Variants in UNC13B observed in about 807,000 individuals in gnomAD.
UNC13B encodes unc-13 homolog B, also known as protein unc-13 homolog B.
In UNC13B, 144 loss-of-function variants were observed where a neutral mutation model predicts 211.0. The observed-to-expected ratio is 0.68, with a 90% CI of 0.60 to 0.78. The LOEUF is 0.78. Among genes scored for constraint, UNC13B ranks in the 30% least tolerant of loss-of-function variants. The pLI is 0.00. For synonymous variants in UNC13B, 709 were observed against 725.8 expected (o/e 0.98, Z 0.37); for missense variants, 1,777 against 2,002.0 (o/e 0.89, Z 2.14).
At chr9:35,343,911 A>G (rs1246938610) in intron 11 of UNC13B, among the ~76,000 whole-genome samples, 1 of 152,064 alleles carries the variant, frequency 6.6e-6, no homozygotes, top group East Asian at 1.9e-4. Context: ...ATAATTTTTT[A>G]TATTGATTAT....
chr9:35,215,973 A>C (rs576893362), intron 1 of UNC13B, among the ~76,000 whole-genome samples: 1 of 152,330 alleles, frequency 6.6e-6, no homozygotes, highest in South Asian at 2.1e-4. Flanking sequence ...GCCTAAATAA[A>C]GGACCAAAAG....
At chr9:35,368,477 G>T (rs1458098250) in intron 12 of UNC13B, among the ~76,000 whole-genome samples, 1 of 152,166 alleles carries the variant, frequency 6.6e-6, no homozygotes, top group African/African-American at 2.4e-5. Flanking sequence ...CATTTAGCTT[G>T]ATTCCATGTC....
intron 6 of UNC13B, among the ~76,000 whole-genome samples, chr9:35,244,428 G>C (rs1825972545): frequency 6.6e-6 from 1 of 152,126 alleles, no homozygotes; most frequent in Non-Finnish European, 1.5e-5. Context: ...CCACAAACTA[G>C]GTGGCTTACA....
chr9:35,331,944 T>C (rs1002467244), intron 11 of UNC13B, among the ~76,000 whole-genome samples: 1 of 152,150 alleles, frequency 6.6e-6, no homozygotes, highest in African/African-American at 2.4e-5. Context: ...GGTAATGTGC[T>C]TGGTCCTACC....
At chr9:35,191,221 G>C (rs1822642451) in intron 1 of UNC13B, among the ~76,000 whole-genome samples, 1 of 152,088 alleles carries the variant, frequency 6.6e-6, no homozygotes, top group African/African-American at 2.4e-5. Flanking sequence ...CAAAGTGCAG[G>C]GATTACAAGC....
chr9:35,208,752 C>T (rs1464972126), intron 1 of UNC13B, among the ~76,000 whole-genome samples: 1 of 152,174 alleles, frequency 6.6e-6, no homozygotes, highest in African/African-American at 2.4e-5. Context: ...ATGATCCAGT[C>T]ACCTCCCACC....
chr9:35,230,255 T>G (rs1181598688), intron 2 of UNC13B, among the ~76,000 whole-genome samples: 1 of 152,092 alleles, frequency 6.6e-6, no homozygotes, highest in Non-Finnish European at 1.5e-5. Context: ...GTAGATCACT[T>G]GAGGTCAGGC....
intron 26 of UNC13B, among the ~76,000 whole-genome samples, chr9:35,394,622 G>A (rs1235995542): frequency 6.6e-6 from 1 of 152,114 alleles, no homozygotes; most frequent in Non-Finnish European, 1.5e-5. Flanking sequence ...TTATATAGAC[G>A]TTACCAGAAC....
chr9:35,271,218 A>G (rs1386300403), intron 7 of UNC13B, among the ~76,000 whole-genome samples: 1 of 151,228 alleles, frequency 6.6e-6, no homozygotes, highest in Non-Finnish European at 1.5e-5. Context: ...TCTTACTACC[A>G]CCACATGTTC....
At chr9:35,255,034 T>TATATATTATATATAATATAATATATA (rs1826778132) in intron 6 of UNC13B, among the ~76,000 whole-genome samples, 1 of 118,542 alleles carries the variant, frequency 8.4e-6, no homozygotes, top group South Asian at 2.2e-4. Context: ...TATAATATAA[T>TATATATTATATATAATATAATATATA]ATATATTATA....
intron 8 of UNC13B, among the ~76,000 whole-genome samples, chr9:35,296,552 A>T: frequency 6.6e-6 from 1 of 152,154 alleles, no homozygotes; most frequent in African/African-American, 2.4e-5. Flanking sequence ...GTTGTCATAT[A>T]TTTATGAGTA....
chr9:35,268,254 A>G (rs1028562138), intron 7 of UNC13B, among the ~76,000 whole-genome samples: 8 of 152,132 alleles, frequency 5.3e-5, no homozygotes, highest in African/African-American at 1.9e-4. Flanking sequence ...TGCTCTCCCA[A>G]AGGTTGCTGG....
intron 26 of UNC13B, among the ~76,000 whole-genome samples, chr9:35,391,875 G>A (rs1361751316): frequency 2.0e-5 from 3 of 152,214 alleles, no homozygotes; most frequent in Non-Finnish European, 2.9e-5. Context: ...CCTCTTGCAT[G>A]ATGACAGCTC....
At chr9:35,386,853 G>A (rs368540361) in intron 24 of UNC13B, among the ~76,000 whole-genome samples, 1 of 152,282 alleles carries the variant, frequency 6.6e-6, no homozygotes, top group East Asian at 1.9e-4. Context: ...GTCAGTACCT[G>A]GTGACTTAGT....
chr9:35,225,931 T>C (rs965136746), intron 1 of UNC13B, among the ~76,000 whole-genome samples: 1 of 152,220 alleles, frequency 6.6e-6, no homozygotes, highest in Admixed American at 6.5e-5. Flanking sequence ...CGCCAGTCCT[T>C]GCACCACTCA....
chr9:35,197,952 C>A (rs1823037742), intron 1 of UNC13B, among the ~76,000 whole-genome samples: 1 of 152,028 alleles, frequency 6.6e-6, no homozygotes, highest in Non-Finnish European at 1.5e-5. Context: ...TGAGAACAGA[C>A]TAATACAATA....
intron 6 of UNC13B, among the ~76,000 whole-genome samples, chr9:35,251,548 C>G (rs1826491497): frequency 6.6e-6 from 1 of 152,156 alleles, no homozygotes; most frequent in Non-Finnish European, 1.5e-5. Flanking sequence ...GATCACATCA[C>G]TGCACTCCAG....
intron 1 of UNC13B, among the ~76,000 whole-genome samples, chr9:35,182,679 C>T (rs963952794): frequency 2.0e-4 from 30 of 152,024 alleles, no homozygotes; most frequent in African/African-American, 3.1e-4. Flanking sequence ...TGACTCTTAA[C>T]GAGCATGCTG....
At chr9:35,190,050 C>T (rs1275996406) in intron 1 of UNC13B, among the ~76,000 whole-genome samples, 1 of 152,102 alleles carries the variant, frequency 6.6e-6, no homozygotes, top group Non-Finnish European at 1.5e-5. Context: ...CCTTTTAGGG[C>T]CTAAGAAGCA....
Sources: gnomAD v4.1 joint callset for allele counts (sites outside exome capture counted in the v4.1 genomes callset) on GRCh38, gnomAD v4.1.1 for gene constraint, MANE v1.5 for transcripts, NCBI Gene and HGNC (gene_info 2026-07-23, HGNC 2026-07-21) for gene names.